The following ALKBH8 variants were observed in gnomAD, a reference collection of about 807,000 sequenced individuals.
ALKBH8 encodes the protein alkB homolog 8, tRNA methyltransferase.
A neutral mutation model predicts 59.8 loss-of-function variants in ALKBH8; 36 were observed. The observed-to-expected ratio is 0.60, with a 90% CI of 0.46 to 0.79. The LOEUF (loss-of-function observed/expected upper bound fraction) is 0.79, where lower values mean the gene tolerates loss of function less well. Among genes scored for constraint, ALKBH8 ranks in the 30% least tolerant of loss-of-function variants. The probability of loss-of-function intolerance (pLI) is 0.00; values close to 1 mark genes in which losing one functional copy is unlikely to be tolerated. For synonymous variants in ALKBH8, 276 were observed against 273.6 expected, an observed-to-expected ratio of 1.01 and a Z score of -0.09; for missense variants, 768 against 801.0, an observed-to-expected ratio of 0.96 and a Z score of 0.50.
At chr11:107,562,518 T>G (rs1864978013) in intron 1 of ALKBH8, among the ~76,000 whole-genome samples, 2 of 152,116 alleles carry the variant, frequency 1.3e-5, no homozygotes, top group Admixed American at 1.3e-4. Context: ...CTCTGCGGAC[T>G]TTAAAGTCTT....
chr11:107,552,082 T>A (rs549172822), intron 5 of ALKBH8, among the ~76,000 whole-genome samples, 170 bp from the exon 6 acceptor site: 2 of 144,406 alleles, frequency 1.4e-5, no homozygotes, highest in South Asian at 4.5e-4. Context: ...AATTTAGGAA[T>A]CTTTTAAAGT....
At chr11:107,540,002 G>A (rs2135544312) in intron 7 of ALKBH8, among the ~76,000 whole-genome samples, 1 of 152,342 alleles carries the variant, frequency 6.6e-6, no homozygotes, top group Non-Finnish European at 1.5e-5. Flanking sequence ...TGGCATCAAA[G>A]AGTGGGCGAT....
chr11:107,525,601 A>C lies in ALKBH8; in HGVS notation c.879-9T>G. The C allele has an allele frequency of 7.4e-7, 1 of 1,357,230 alleles. No homozygotes were observed. Among genetic ancestry groups the C allele is most frequent in the South Asian group, 2.0e-5 (1 of 49,954 alleles). The allele number at this position is 1,357,230 out of a possible 1,614,324, so 84.1% of individuals were successfully genotyped here. ...ATTTTCTGCACGTGATTCTAAAAAC[A>C]ATAGTCAAAAAAATTTACTTAACAT... On this transcript the variant is annotated splice_polypyrimidine_tract_variant and intron_variant, in intron 8 of 11. Transcript: ENST00000428149.
intron 8 of ALKBH8, among the ~76,000 whole-genome samples, chr11:107,529,217 A>T (rs536206461): frequency 4.6e-5 from 7 of 152,330 alleles, no homozygotes; most frequent in African/African-American, 1.7e-4. Flanking sequence ...ACCATGGAAC[A>T]AACTTCCCAC....
intron 7 of ALKBH8, among the ~76,000 whole-genome samples, chr11:107,532,889 C>T (rs866442146): frequency 1.3e-5 from 2 of 152,126 alleles, no homozygotes; most frequent in Admixed American, 6.5e-5. Flanking sequence ...ATCACAATAA[C>T]TGGCATACAG....
At chr11:107,536,481 C>T (rs2135535243) in intron 7 of ALKBH8, among the ~76,000 whole-genome samples, 2 of 152,096 alleles carry the variant, frequency 1.3e-5, no homozygotes, top group Middle Eastern at 3.4e-3. Context: ...TGCAATAAGC[C>T]AAAAATGAAA....
Position 107,556,839 on chromosome 11 carries a change from A to G in ALKBH8, c.294T>C (p.Val98=). Residue 98 remains valine (V), a synonymous_variant, in exon 3 of 12, where the codon GTT becomes GTC. Transcript: ENST00000428149. ...CCACTACTTCTTTTCCATTGAGGGT[A>G]ACATAGGCTCTCTTAGATTCTTCTG... ...RTTEESKRAY[V]TLNGKEVVDD... is the part of the protein sequence containing the mutation. The G allele has an allele frequency of 6.4e-7, 1 of 1,572,816 alleles. No individual in the cohort carries two copies. Among genetic ancestry groups the G allele is most frequent in the Non-Finnish European group, 8.6e-7 (1 of 1,160,464 alleles).
At chr11:107,564,001 A>G (rs1489718690) in intron 1 of ALKBH8, among the ~76,000 whole-genome samples, 1 of 152,190 alleles carries the variant, frequency 6.6e-6, no homozygotes, top group Non-Finnish European at 1.5e-5. Context: ...GGCTGATACC[A>G]GCTGCTGAGG....
intron 7 of ALKBH8, among the ~76,000 whole-genome samples, chr11:107,547,972 G>T (rs1437862302): frequency 6.6e-6 from 1 of 152,144 alleles, no homozygotes; most frequent in Non-Finnish European, 1.5e-5. Flanking sequence ...TAGGGCGCTG[G>T]GGGGGATATT....
intron 11 of ALKBH8, among the ~76,000 whole-genome samples, chr11:107,506,398 T>C (rs1728905): frequency 0.87 from 131,899 of 151,426 alleles, 57,936 homozygotes; most frequent in Non-Finnish European, 0.92. Context: ...ACCAAAGGAC[T>C]GAAAAACAGA....
chr11:107,550,943 A>C (rs1864464496), intron 6 of ALKBH8, among the ~76,000 whole-genome samples: 3 of 152,224 alleles, frequency 2.0e-5, no homozygotes, highest in African/African-American at 7.2e-5. Flanking sequence ...CTGTGAAAAA[A>C]TACATTTCTG....
At chr11:107,545,296 C>T (rs544479173) in intron 7 of ALKBH8, among the ~76,000 whole-genome samples, 1 of 152,152 alleles carries the variant, frequency 6.6e-6, no homozygotes, top group South Asian at 2.1e-4. Flanking sequence ...TCCATTAAAA[C>T]AATAAACTCT....
Position 107,525,714 on chromosome 11 carries a change from C to G in ALKBH8, c.879-122G>C, listed in dbSNP as rs531344696. The stretch of plus-strand genomic sequence containing the variant: ...ATTTATTACAAATATCTATTGGATT[C>G]CCTGAATTGTTAGACATTGTGGAAA... On this transcript the variant is annotated intron_variant, in intron 8 of 11. Transcript: ENST00000428149. The G allele has an allele frequency of 7.8e-6, 5 of 644,264 alleles. No individual in the cohort carries two copies. The Admixed American group carries it at 1.2e-4, about 15-fold the overall frequency. 39.9% of individuals were successfully genotyped at this position (644,264 alleles called of 1,614,324 possible).
At chr11:107,530,829 AGTAAGAC>A (rs1285888555) in intron 8 of ALKBH8, among the ~76,000 whole-genome samples, 1 of 152,240 alleles carries the variant, frequency 6.6e-6, no homozygotes, top group African/African-American at 2.4e-5. Context: ...ACATGCTTTC[AGTAAGAC>A]AATAATGTGA....
rs77614316 is a variant in ALKBH8 at position 107,565,729 on chromosome 11, G to A, written c.-135C>T. On this transcript the variant is annotated 5_prime_UTR_variant, in exon 1 of 12. Transcript: ENST00000428149. ...CTCCCCTGGGCGCGGCCATGTTGGA[G>A]AAAACTGCACTACATTTCCCATGAG... The A allele has an allele frequency of 2.0e-6, 3 of 1,482,484 alleles. No individual in the cohort carries two copies. Among genetic ancestry groups the A allele is most frequent in the South Asian group, 2.4e-5 (2 of 83,016 alleles). 91.8% of individuals were successfully genotyped at this position (1,482,484 alleles called of 1,614,324 possible).
chr11:107,528,743 T>G (rs1863453028), intron 8 of ALKBH8, among the ~76,000 whole-genome samples: 1 of 152,200 alleles, frequency 6.6e-6, no homozygotes, highest in African/African-American at 2.4e-5. Flanking sequence ...AAGTAATGAT[T>G]TATTTAAATA....
chr11:107,544,671 AG>A (rs1477816972), intron 7 of ALKBH8, among the ~76,000 whole-genome samples: 4 of 152,158 alleles, frequency 2.6e-5, no homozygotes, highest in African/African-American at 9.7e-5. Context: ...ACAGGATAAA[AG>A]GAAAAATGAA....
At chr11:107,508,173 C>CTTT (rs34261151) in intron 11 of ALKBH8, among the ~76,000 whole-genome samples, 6 of 134,338 alleles carry the variant, frequency 4.5e-5, no homozygotes, top group Admixed American at 1.5e-4. Context: ...TTTTCAATGC[C>CTTT]TTTTTTTTTT....
At chr11:107,561,051 A>T (rs1408483686) in intron 1 of ALKBH8, among the ~76,000 whole-genome samples, 152 bp from the exon 2 acceptor site, 1 of 152,204 alleles carries the variant, frequency 6.6e-6, no homozygotes, top group Admixed American at 6.5e-5. Context: ...AAGAGAAGTG[A>T]GAACAGATAA....
Sources: gnomAD v4.1 joint callset for allele counts (sites outside exome capture counted in the v4.1 genomes callset) on GRCh38, gnomAD v4.1.1 for gene constraint, MANE v1.5 for transcripts, NCBI Gene and HGNC (gene_info 2026-07-23, HGNC 2026-07-21) for gene names.